ROBO1: variants seen among roughly 807,000 people sequenced by gnomAD.
ROBO1 encodes roundabout homolog 1.
In ROBO1, 149 loss-of-function variants were observed where a neutral mutation model predicts 195.9. The ratio of observed to expected loss-of-function variants is 0.76; its 90% CI spans 0.67 to 0.87. ROBO1 has a LOEUF of 0.87. Among genes scored for constraint, ROBO1 ranks in the 40% least tolerant of loss-of-function variants. The probability of loss-of-function intolerance (pLI) is 0.00; values close to 1 mark genes in which losing one functional copy is unlikely to be tolerated. For missense variants in ROBO1, 1,933 were observed against 2,068.3 expected, an observed-to-expected ratio of 0.93 and a Z score of 1.27; for synonymous variants, 816 against 733.2, an observed-to-expected ratio of 1.11 and a Z score of -1.82.
intron 1 of ROBO1, among the ~76,000 whole-genome samples, chr3:79,735,095 A>G (rs1049253233): frequency 6.6e-6 from 1 of 152,206 alleles, no homozygotes; most frequent in African/African-American, 2.4e-5. Flanking sequence ...CCTCTGAAAA[A>G]GCATAGGCGG....
intron 2 of ROBO1, among the ~76,000 whole-genome samples, chr3:79,549,882 TG>T (rs1344363079): frequency 6.6e-6 from 1 of 152,044 alleles, no homozygotes; most frequent in East Asian, 1.9e-4. Flanking sequence ...ACCTCATCTT[TG>T]GGAGGTTAAT....
intron 2 of ROBO1, among the ~76,000 whole-genome samples, chr3:79,170,214 A>C (rs1367312614): frequency 1.3e-5 from 2 of 152,136 alleles, no homozygotes; most frequent in Non-Finnish European, 2.9e-5. Flanking sequence ...CTTTCATCCC[A>C]GGGCCTCATT....
Position 79,065,794 on chromosome 3 carries a change from G to T in ROBO1, c.172+59662C>A, listed in dbSNP as rs111438157. ...AAAAATTAGTTAGATAAAAGGCAAG[G>T]ATCTAACATATATCCTGTTTTTCTT... is the stretch of plus-strand genomic sequence containing the variant. On this transcript the variant is annotated intron_variant, in intron 3 of 30. Coordinates refer to ENST00000464233, the MANE Select transcript of ROBO1 (RefSeq NM_002941.4). Among the ~76,000 whole-genome samples the T allele has an allele frequency of 5.9e-5, 9 of 151,962 alleles. 1 individual carries two copies. The highest frequency in any genetic ancestry group is 2.2e-4 in the African/African-American group (9 of 41,488).
intron 4 of ROBO1, among the ~76,000 whole-genome samples, chr3:78,825,648 T>C (rs1576240786): frequency 1.3e-5 from 2 of 152,314 alleles, no homozygotes; most frequent in Admixed American, 6.5e-5. Context: ...GGTGTCACTC[T>C]TGGCATAAGA....
chr3:79,590,917 G>A (rs1034339303), intron 1 of ROBO1, among the ~76,000 whole-genome samples: 16 of 151,684 alleles, frequency 1.1e-4, no homozygotes, highest in African/African-American at 3.4e-4. Context: ...GCTGGATGTT[G>A]GGGTTTGCCA....
At chr3:79,648,252 G>T (rs1023426794) in intron 1 of ROBO1, among the ~76,000 whole-genome samples, 1 of 152,036 alleles carries the variant, frequency 6.6e-6, no homozygotes, top group African/African-American at 2.4e-5. Context: ...GCCATAATCT[G>T]CCATTAGGTA....
chr3:78,742,395 A>G (rs2082554489), intron 5 of ROBO1, among the ~76,000 whole-genome samples: 1 of 152,154 alleles, frequency 6.6e-6, no homozygotes. Flanking sequence ...TCACTATTAA[A>G]AAAAAAACTG....
chr3:78,711,369 TCC>T (rs1251707881), intron 8 of ROBO1, among the ~76,000 whole-genome samples: 19 of 25,026 alleles, frequency 7.6e-4, no homozygotes, highest in Non-Finnish European at 1.1e-3. Flanking sequence ...CTTCCTTCCT[TCC>T]TTCCTTCCTT....
At chr3:79,055,902 C>G (rs1576621326) in intron 3 of ROBO1, among the ~76,000 whole-genome samples, 1 of 152,184 alleles carries the variant, frequency 6.6e-6, no homozygotes, top group South Asian at 2.1e-4. Context: ...GGTTTTCACT[C>G]AATTAGTTTC....
intron 1 of ROBO1, among the ~76,000 whole-genome samples, chr3:79,613,628 A>G (rs979121375): frequency 6.6e-6 from 1 of 152,036 alleles, no homozygotes; most frequent in Non-Finnish European, 1.5e-5. Flanking sequence ...ACAAGAGCCA[A>G]TTATATTATA....
At chr3:78,904,579 C>A (rs2037777456) in intron 4 of ROBO1, among the ~76,000 whole-genome samples, 1 of 151,568 alleles carries the variant, frequency 6.6e-6, no homozygotes, top group Non-Finnish European at 1.5e-5. Flanking sequence ...AAAAGTAGCT[C>A]AGAATTCCAT....
chr3:78,740,450 T>TTTTTTTTC (rs752984136), intron 5 of ROBO1, among the ~76,000 whole-genome samples: 3 of 103,234 alleles, frequency 2.9e-5, no homozygotes, highest in South Asian at 6.2e-4. Context: ...ATTTTTCTTT[T>TTTTTTTTC]TTTCTTTCTT....
intron 2 of ROBO1, among the ~76,000 whole-genome samples, chr3:79,204,992 TA>T: frequency 6.6e-6 from 1 of 151,934 alleles, no homozygotes; most frequent in African/African-American, 2.4e-5. Context: ...GTTAGTTAGT[TA>T]GTTAGTTAGT....
At chr3:78,723,654 G>C (rs987405864) in intron 5 of ROBO1, among the ~76,000 whole-genome samples, 1 of 152,146 alleles carries the variant, frequency 6.6e-6, no homozygotes, top group South Asian at 2.1e-4. Flanking sequence ...ACTTGGTGTG[G>C]GGTTGGGGGA....
chr3:79,588,057 C>T (rs1372598404), intron 2 of ROBO1, among the ~76,000 whole-genome samples: 2 of 151,574 alleles, frequency 1.3e-5, no homozygotes, highest in Non-Finnish European at 3.0e-5. Context: ...TCAAAATGGG[C>T]CCTGAGTAAT....
chr3:79,723,904 C>G (rs892331900), intron 1 of ROBO1, among the ~76,000 whole-genome samples: 1 of 152,142 alleles, frequency 6.6e-6, no homozygotes, highest in African/African-American at 2.4e-5. Flanking sequence ...TACTCCAACA[C>G]TGACAGAAGT....
intron 3 of ROBO1, among the ~76,000 whole-genome samples, chr3:79,074,562 C>T (rs573616774): frequency 2.4e-3 from 370 of 151,594 alleles, no homozygotes; most frequent in African/African-American, 8.6e-3. Context: ...AGACCACAGA[C>T]GCATGCCACC....
At chr3:79,156,235 G>A (rs968095717) in intron 2 of ROBO1, among the ~76,000 whole-genome samples, 1 of 150,960 alleles carries the variant, frequency 6.6e-6, no homozygotes, top group Admixed American at 6.6e-5. Flanking sequence ...TCCAATGCAC[G>A]GTGTACCTAC....
At chr3:79,437,186 C>A (rs1469355298) in intron 2 of ROBO1, among the ~76,000 whole-genome samples, 1 of 151,970 alleles carries the variant, frequency 6.6e-6, no homozygotes, top group African/African-American at 2.4e-5. Context: ...AGATAAAAGA[C>A]CATAGCTTTA....
Sources: allele counts gnomAD v4.1 joint callset (sites outside exome capture counted in the v4.1 genomes callset), GRCh38; gene constraint gnomAD v4.1.1; transcripts MANE v1.5; gene names NCBI Gene and HGNC (gene_info 2026-07-23, HGNC 2026-07-21).